The following CRTAC1 variants were observed in gnomAD, a reference collection of about 807,000 sequenced individuals.
CRTAC1 encodes acidic secreted protein in cartilage.
A neutral mutation model predicts 67.8 loss-of-function variants in CRTAC1; 37 were observed. That is an observed-to-expected ratio of 0.55 (90% confidence interval 0.42 to 0.72). CRTAC1 has a LOEUF of 0.72. Among genes scored for constraint, CRTAC1 ranks in the 30% least tolerant of loss-of-function variants. The pLI, the probability that CRTAC1 is intolerant of heterozygous loss-of-function variation, is 0.00. For missense variants in CRTAC1, 780 were observed against 931.6 expected (o/e 0.84, Z 2.12); for synonymous variants, 348 against 371.0 (o/e 0.94, Z 0.71).
chr10:97,887,507 G>T (rs1008530933), intron 11 of CRTAC1, among the ~76,000 whole-genome samples: 30 of 152,178 alleles, frequency 2.0e-4, no homozygotes, highest in Non-Finnish European at 5.9e-5. Flanking sequence ...GCCTCCCAAA[G>T]TGCTGGGATT....
chr10:97,903,854 G>C (rs2050573930), intron 7 of CRTAC1, among the ~76,000 whole-genome samples: 1 of 152,086 alleles, frequency 6.6e-6, no homozygotes, highest in Non-Finnish European at 1.5e-5. Context: ...CAGGGAGGGG[G>C]CACAGAGAGG....
intron 1 of CRTAC1, among the ~76,000 whole-genome samples, chr10:98,021,359 G>T (rs927448796): frequency 1.6e-4 from 25 of 152,292 alleles, no homozygotes; most frequent in African/African-American, 5.8e-4. Flanking sequence ...ATAGACAGGA[G>T]ACTTGGGCTT....
intron 2 of CRTAC1, among the ~76,000 whole-genome samples, chr10:97,950,201 C>A (rs937207031): frequency 4.1e-5 from 6 of 147,816 alleles, no homozygotes; most frequent in Non-Finnish European, 8.9e-5. Context: ...TATATGTAAA[C>A]CATGACACAG....
In CRTAC1 at chr10:97,975,173, G is replaced by T. The variant is rs1324692927; in HGVS notation, c.224+35965C>A. Reference sequence around the variant, plus strand: ...GGCCCTGCGAAGGAATCCAATTTGCGCACAAGGATCGTCTACAAATTTATA... The same window carrying T: ...GGCCCTGCGAAGGAATCCAATTTGCTCACAAGGATCGTCTACAAATTTATA... On this transcript the variant is annotated intron_variant, in intron 2 of 14. Coordinates refer to ENST00000370597, the MANE Select transcript of CRTAC1 (RefSeq NM_018058.7). The surrounding 1 kb of genome is among the most constrained non-coding windows in gnomAD (Gnocchi z 4.8). Among the ~76,000 whole-genome samples, 1 of 152,152 alleles carries T rather than the reference G, an allele frequency of 6.6e-6. No individual in the cohort carries two copies. Among genetic ancestry groups the T allele is most frequent in the Non-Finnish European group, 1.5e-5 (1 of 68,016 alleles).
In CRTAC1 at chr10:97,920,690, T is replaced by G. The variant is rs550587288; in HGVS notation, c.558+2574A>C. ...TCCTAGTCTAGGGCCTGCCCCTAAC[T>G]GCTCCTCGTCCTCGGGCAAATCCCT... is the stretch of plus-strand genomic sequence containing the variant. On this transcript the variant is annotated intron_variant, in intron 4 of 14. Coordinates refer to ENST00000370597, the MANE Select transcript of CRTAC1 (RefSeq NM_018058.7). 2.6e-5 allele frequency among the ~76,000 whole-genome samples: 4 copies of G among 152,326 alleles called. No homozygotes were observed. In the East Asian group the frequency reaches 7.7e-4, roughly 29 times the overall value.
At chr10:97,960,061 A>G (rs2051502410) in intron 2 of CRTAC1, among the ~76,000 whole-genome samples, 1 of 152,256 alleles carries the variant, frequency 6.6e-6, no homozygotes, top group African/African-American at 2.4e-5. Context: ...AATGAACCAC[A>G]TTGTATGGAT....
In CRTAC1 at chr10:97,975,468, A is replaced by G. The variant is rs2051784937; in HGVS notation, c.224+35670T>C. Among the ~76,000 whole-genome samples the G allele has an allele frequency of 1.3e-5, 2 of 152,050 alleles. No homozygotes were observed. Among genetic ancestry groups the G allele is most frequent in the South Asian group, 4.1e-4 (2 of 4,824 alleles). On this transcript the variant is annotated intron_variant, in intron 2 of 14. Coordinates refer to ENST00000370597, the MANE Select transcript of CRTAC1 (RefSeq NM_018058.7). The surrounding 1 kb of genome is among the most constrained non-coding windows in gnomAD (Gnocchi z 4.8). ...CTCGCTTTCTTCTTCTTCTTCAGGGAAGAAGCAGCTGGAAGACTCAACATC... is the reference window on the plus strand; with the variant it reads ...CTCGCTTTCTTCTTCTTCTTCAGGGGAGAAGCAGCTGGAAGACTCAACATC...
At chr10:98,008,455 G>A (rs1356838838) in intron 2 of CRTAC1, among the ~76,000 whole-genome samples, 1 of 152,020 alleles carries the variant, frequency 6.6e-6, no homozygotes, top group African/African-American at 2.4e-5. Flanking sequence ...CGGGTCTCCT[G>A]CAACAGCCAG....
intron 14 of CRTAC1, among the ~76,000 whole-genome samples, 188 bp downstream of exon 14, chr10:97,880,061 G>A (rs570614268): frequency 3.3e-5 from 5 of 152,290 alleles, no homozygotes; most frequent in Admixed American, 2.6e-4. Flanking sequence ...TTCAGGTGAT[G>A]GTAGAAGTGA....
At chr10:97,953,882 T>C (rs992255055) in intron 2 of CRTAC1, among the ~76,000 whole-genome samples, 1 of 152,202 alleles carries the variant, frequency 6.6e-6, no homozygotes, top group Non-Finnish European at 1.5e-5. Flanking sequence ...TGCTCTAAAT[T>C]ATACCAGTGA....
At chr10:97,993,971 C>T (rs978165516) in intron 2 of CRTAC1, among the ~76,000 whole-genome samples, 1 of 152,064 alleles carries the variant, frequency 6.6e-6, no homozygotes, top group African/African-American at 2.4e-5. Flanking sequence ...ATTTTCCTGC[C>T]TCAGCCTCCC....
intron 3 of CRTAC1, among the ~76,000 whole-genome samples, chr10:97,933,636 C>T (rs184457578): frequency 1.3e-3 from 204 of 152,318 alleles, no homozygotes; most frequent in Admixed American, 2.7e-3. Context: ...AACACAAGGC[C>T]GTGTTGAGGA....
At chr10:97,910,733 T>C (rs1482175384) in intron 5 of CRTAC1, among the ~76,000 whole-genome samples, 1 of 152,148 alleles carries the variant, frequency 6.6e-6, no homozygotes, top group Non-Finnish European at 1.5e-5. Flanking sequence ...TGGGGCCTTT[T>C]TCGCCTATGC....
chr10:98,005,100 A>ATATATATATATATATTTTTTTT, intron 2 of CRTAC1, among the ~76,000 whole-genome samples: 1 of 48,926 alleles, frequency 2.0e-5, no homozygotes, highest in African/African-American at 1.2e-4. Flanking sequence ...ATATATATAT[A>ATATATATATATATATTTTTTTT]TTTTTTTTTT....
intron 1 of CRTAC1, among the ~76,000 whole-genome samples, chr10:98,026,437 G>C (rs1228320281): frequency 6.6e-6 from 1 of 152,164 alleles, no homozygotes; most frequent in African/African-American, 2.4e-5. Context: ...CAAAAGTCCA[G>C]AGAGCTTGTA....
intron 2 of CRTAC1, among the ~76,000 whole-genome samples, chr10:97,979,356 C>T (rs2051856118): frequency 6.6e-6 from 1 of 152,120 alleles, no homozygotes; most frequent in Non-Finnish European, 1.5e-5. Context: ...CGATATACCC[C>T]ACCCGAACCA....
At chr10:97,980,631 A>G (rs778097508) in intron 2 of CRTAC1, among the ~76,000 whole-genome samples, 9 of 152,242 alleles carry the variant, frequency 5.9e-5, no homozygotes, top group Admixed American at 2.6e-4. Context: ...CTCATGCCAC[A>G]GCTCAGAGGT....
chr10:97,979,368 C>T (rs745656549), intron 2 of CRTAC1, among the ~76,000 whole-genome samples: 2 of 152,146 alleles, frequency 1.3e-5, no homozygotes, highest in African/African-American at 4.8e-5. Flanking sequence ...CCCGAACCAC[C>T]GTGGGGAAGG....
At chr10:97,917,472 A>G in intron 5 of CRTAC1, 28 bp downstream of exon 5, 2 of 1,469,952 alleles carry the variant, frequency 1.4e-6, no homozygotes, top group South Asian at 1.5e-5. Flanking sequence ...CCCCTCCAGC[A>G]TACTACCTCC....
Sources: gnomAD v4.1 joint callset for allele counts (sites outside exome capture counted in the v4.1 genomes callset) on GRCh38, gnomAD v4.1.1 for gene constraint, Gnocchi (gnomAD v3.1) non-coding constraint, MANE v1.5 for transcripts, NCBI Gene and HGNC (gene_info 2026-07-23, HGNC 2026-07-21) for gene names.